DSCAML1: variants seen among roughly 807,000 people sequenced by gnomAD.
DSCAML1 encodes DS cell adhesion molecule like 1.
A neutral mutation model predicts 200.5 loss-of-function variants in DSCAML1; 38 were observed. That is an observed-to-expected ratio of 0.19 (90% confidence interval 0.15 to 0.25). DSCAML1 has a LOEUF of 0.25. DSCAML1 is among the 10% of genes least tolerant of loss of function. DSCAML1 has a pLI of 1.00. For missense variants in DSCAML1, 2,223 were observed against 2,858.8 expected, an observed-to-expected ratio of 0.78 and a Z score of 5.07; for synonymous variants, 1,215 against 1,165.0, an observed-to-expected ratio of 1.04 and a Z score of -0.87.
intron 3 of DSCAML1, among the ~76,000 whole-genome samples, chr11:117,650,412 A>AAATGAATG (rs369113397): frequency 5.3e-5 from 8 of 152,046 alleles, no homozygotes; most frequent in African/African-American, 1.9e-4. Flanking sequence ...TTAGTTGAAG[A>AAATGAATG]AATGAATGAA....
chr11:117,510,851 C>G (rs549158393), intron 8 of DSCAML1, among the ~76,000 whole-genome samples: 1 of 152,334 alleles, frequency 6.6e-6, no homozygotes, highest in East Asian at 1.9e-4. Flanking sequence ...TTGTTACTGG[C>G]TCCCTTGGCT....
intron 17 of DSCAML1, among the ~76,000 whole-genome samples, chr11:117,464,706 C>T (rs931182674): frequency 5.3e-5 from 8 of 152,110 alleles, no homozygotes; most frequent in Non-Finnish European, 1.0e-4. Flanking sequence ...CAACAGAGAC[C>T]GGATGAGCAC....
chr11:117,552,246 C>T lies in DSCAML1; in HGVS notation c.512-19724G>A, dbSNP rs568435750. Among the ~76,000 whole-genome samples the T allele has an allele frequency of 9.2e-5, 14 of 152,162 alleles. No individual in the cohort carries two copies. The South Asian group carries it at 2.9e-3, about 32-fold the overall frequency. The stretch of plus-strand genomic sequence containing the variant: ...CCTCCCGCCTTGACAATTGTCTCAA[C>T]AGGTGCCTGGGAGGAAAGCAGGTGC... On this transcript the variant is annotated intron_variant, in intron 3 of 32. Coordinates refer to ENST00000651296, the MANE Select transcript of DSCAML1 (RefSeq NM_020693.4).
intron 3 of DSCAML1, among the ~76,000 whole-genome samples, chr11:117,589,222 C>T (rs919554141): frequency 2.0e-5 from 3 of 152,334 alleles, no homozygotes; most frequent in South Asian, 4.1e-4. Flanking sequence ...TGCAAGCGAC[C>T]GGAGCGGGCT....
chr11:117,665,589 C>G (rs760293357), intron 3 of DSCAML1, among the ~76,000 whole-genome samples: 1 of 152,180 alleles, frequency 6.6e-6, no homozygotes, highest in Non-Finnish European at 1.5e-5. Flanking sequence ...CAATGGCTTC[C>G]TGGAAAATCT....
At chr11:117,784,607 C>A (rs1249050318) in intron 1 of DSCAML1, among the ~76,000 whole-genome samples, 1 of 152,130 alleles carries the variant, frequency 6.6e-6, no homozygotes, top group Non-Finnish European at 1.5e-5. Flanking sequence ...GGGGTTTCCC[C>A]ACCTTCTCAG....
rs566773228 is a variant in DSCAML1 at position 117,435,194 on chromosome 11, C to A, written c.4876+450G>T. The stretch of plus-strand genomic sequence containing the variant: ...GGGATAATATTCAAAATATTTAACA[C>A]CTGACATGGTGCAGAAACTGCCCAG... On this transcript the variant is annotated intron_variant, in intron 27 of 32. Transcript: ENST00000651296. Among the ~76,000 whole-genome samples the A allele has an allele frequency of 3.9e-5, 6 of 152,316 alleles. No homozygotes were observed. In the East Asian group the frequency reaches 9.6e-4, roughly 24 times the overall value.
At chr11:117,438,638 A>G (rs1173020715) in intron 24 of DSCAML1, among the ~76,000 whole-genome samples, 2 of 152,186 alleles carry the variant, frequency 1.3e-5, no homozygotes, top group Non-Finnish European at 2.9e-5. Context: ...CCAGACTCAG[A>G]GAGGGAAACA....
Position 117,518,481 on chromosome 11 carries a change from G to A in DSCAML1, c.1495C>T (p.Arg499Ter). Residue 499 changes from arginine to a stop codon, truncating the protein, a stop_gained, in exon 7 of 33, where the codon CGA (arginine) becomes TGA (stop). Coordinates refer to ENST00000651296, the MANE Select transcript of DSCAML1 (RefSeq NM_020693.4). LOFTEE classifies it high-confidence loss of function. This position sits in a 1 kb window ranked among gnomAD's most constrained non-coding sequence, Gnocchi z 6.3. Reference sequence around the variant, plus strand: ...AGACAGGCACCTCTTACGTTTATTCGCGCCTGATATTCAGCACTGCCCACC... The same window carrying A: ...AGACAGGCACCTCTTACGTTTATTCACGCCTGATATTCAGCACTGCCCACC... ...NLVGSAEYQA[R>*]INVRGPPSIR... is the part of the protein sequence containing the mutation. The A allele has an allele frequency of 6.2e-7, 1 of 1,614,090 alleles. No homozygotes were observed. The highest frequency in any genetic ancestry group is 8.5e-7 in the Non-Finnish European group (1 of 1,180,026).
upstream of DSCAML1, chr11:117,801,253 T>C (rs2055654482): frequency 6.6e-6 from 1 of 152,272 alleles, no homozygotes; most frequent in Non-Finnish European, 1.5e-5. Flanking sequence ...ACAAGTCACC[T>C]TGCCTTTCTG....
At chr11:117,807,556 G>T (rs1339225197) in intron 1 of DSCAML1, among the ~76,000 whole-genome samples, 2 of 152,184 alleles carry the variant, frequency 1.3e-5, no homozygotes, top group African/African-American at 4.8e-5. Context: ...TGTGGAAGTG[G>T]GAACAGAACA....
upstream of DSCAML1, among the ~76,000 whole-genome samples, chr11:117,797,601 C>A (rs1300359425): frequency 6.6e-6 from 1 of 151,568 alleles, no homozygotes; most frequent in Non-Finnish European, 1.5e-5. Flanking sequence ...CCCCCCCACC[C>A]TCCCCAGGAG....
chr11:117,481,262 G>C lies in DSCAML1; in HGVS notation c.2568C>G (p.Pro856=). The C allele has an allele frequency of 1.2e-6, 2 of 1,613,776 alleles. No individual in the cohort carries two copies. Among genetic ancestry groups the C allele is most frequent in the Non-Finnish European group, 1.7e-6 (2 of 1,179,988 alleles). ...AGAACACAGAGTCCCCACGGTCAGCGGGCTTGAGCTGGGAGACCACCAGCA... is the reference window on the plus strand; with the variant it reads ...AGAACACAGAGTCCCCACGGTCAGCCGGCTTGAGCTGGGAGACCACCAGCA... ...DEVVSTLKLK[P]ADRGDSVFFS... Residue 856 remains proline, a synonymous_variant, in exon 13 of 33, where the codon CCC becomes CCG. Coordinates refer to ENST00000651296, the MANE Select transcript of DSCAML1 (RefSeq NM_020693.4).
At chr11:117,493,579 G>A (rs1352449227) in intron 11 of DSCAML1, among the ~76,000 whole-genome samples, 1 of 152,056 alleles carries the variant, frequency 6.6e-6, no homozygotes, top group Non-Finnish European at 1.5e-5. Flanking sequence ...CTCCCAAAGT[G>A]CTGGGATTAC....
chr11:117,666,338 C>T (rs577279706), intron 3 of DSCAML1, among the ~76,000 whole-genome samples: 2 of 152,304 alleles, frequency 1.3e-5, no homozygotes, highest in African/African-American at 4.8e-5. Context: ...CTAGCATTTT[C>T]CATAGTGGAT....
chr11:117,701,848 C>G (rs572756627), intron 3 of DSCAML1, among the ~76,000 whole-genome samples: 13 of 152,186 alleles, frequency 8.5e-5, no homozygotes, highest in Admixed American at 8.5e-4. Context: ...ATGTCATCCC[C>G]GCGCTCAGCC....
intron 3 of DSCAML1, among the ~76,000 whole-genome samples, chr11:117,535,662 A>T (rs969413999): frequency 6.6e-6 from 1 of 151,998 alleles, no homozygotes; most frequent in Non-Finnish European, 1.5e-5. Flanking sequence ...GCTCTCTTGT[A>T]ATTTATTATG....
chr11:117,804,497 G>A (rs1334819356), intron 1 of DSCAML1, among the ~76,000 whole-genome samples: 3 of 152,210 alleles, frequency 2.0e-5, no homozygotes, highest in Non-Finnish European at 4.4e-5. Flanking sequence ...TGGACAAAAT[G>A]ACAGCTATTC....
At chr11:117,756,676 C>A (rs1454054108) in intron 3 of DSCAML1, among the ~76,000 whole-genome samples, 1 of 152,010 alleles carries the variant, frequency 6.6e-6, no homozygotes, top group Non-Finnish European at 1.5e-5. Context: ...GGGCCAAGGG[C>A]TACTAAAAGC....
Sources: allele counts gnomAD v4.1 joint callset (sites outside exome capture counted in the v4.1 genomes callset), GRCh38; gene constraint gnomAD v4.1.1; non-coding constraint Gnocchi (gnomAD v3.1); transcripts MANE v1.5; gene names NCBI Gene and HGNC (gene_info 2026-07-23, HGNC 2026-07-21).